Variants in TAOK3 observed in about 807,000 individuals in gnomAD.
The protein encoded by TAOK3 is serine/threonine-protein kinase TAO3.
TAOK3 carries 40 observed loss-of-function variants against 120.4 expected under a neutral mutation model. That is an observed-to-expected ratio of 0.33 (90% confidence interval 0.26 to 0.43). TAOK3 has a LOEUF of 0.43. TAOK3 is among the 20% of genes least tolerant of loss of function. The pLI, the probability that TAOK3 is intolerant of heterozygous loss-of-function variation, is 1.00. For synonymous variants in TAOK3, 355 were observed against 387.5 expected, an observed-to-expected ratio of 0.92 and a Z score of 0.99; for missense variants, 821 against 1,112.1, an observed-to-expected ratio of 0.74 and a Z score of 3.72.
At chr12:118,360,949 A>G (rs1357111042) in intron 1 of TAOK3, among the ~76,000 whole-genome samples, 1 of 152,254 alleles carries the variant, frequency 6.6e-6, no homozygotes, top group African/African-American at 2.4e-5. Context: ...CATATGTTCC[A>G]GCAGGGAAAA....
chr12:118,161,731 C>G lies in TAOK3; in HGVS notation c.2139+57G>C. On this transcript the variant is annotated intron_variant, in intron 18 of 20. Coordinates refer to ENST00000392533, the MANE Select transcript of TAOK3 (RefSeq NM_016281.4). The surrounding 1 kb of genome is among the most constrained non-coding windows in gnomAD (Gnocchi z 4.5). ...AAAAGTTGCTCAGGTGACTCTGACA[C>G]TTCAGGTAGAGAAACCACTGATCTG... 6.3e-7 allele frequency: 1 copy of G among 1,595,056 alleles called. No individual in the cohort carries two copies.
At chr12:118,325,633 GGTA>G (rs1304784573) in intron 1 of TAOK3, among the ~76,000 whole-genome samples, 1 of 151,934 alleles carries the variant, frequency 6.6e-6, no homozygotes, top group Admixed American at 6.6e-5. Flanking sequence ...TTGTCAGATA[GGTA>G]GTTTGCCAAT....
chr12:118,321,685 A>G (rs1341519789), intron 1 of TAOK3, among the ~76,000 whole-genome samples: 1 of 152,234 alleles, frequency 6.6e-6, no homozygotes, highest in Non-Finnish European at 1.5e-5. Flanking sequence ...CTAAACTTTC[A>G]GAAAAATAAT....
chr12:118,198,995 C>T (rs2037883083), intron 13 of TAOK3, 56 bp downstream of exon 13: 2 of 1,592,980 alleles, frequency 1.3e-6, no homozygotes, highest in African/African-American at 2.7e-5. Flanking sequence ...GTGACTTGAA[C>T]TGGATTCGCT....
chr12:118,288,384 T>C (rs1435570443), intron 1 of TAOK3, among the ~76,000 whole-genome samples: 1 of 151,708 alleles, frequency 6.6e-6, no homozygotes, highest in Non-Finnish European at 1.5e-5. Context: ...GTCATATGGG[T>C]GGGTGGCCTT....
intron 2 of TAOK3, among the ~76,000 whole-genome samples, chr12:118,256,599 G>A (rs1025428259): frequency 2.0e-5 from 3 of 152,184 alleles, no homozygotes; most frequent in Non-Finnish European, 4.4e-5. Context: ...AGTATTGGCT[G>A]CAACATGAAT....
At chr12:118,225,235 C>T (rs543447705) in intron 9 of TAOK3, among the ~76,000 whole-genome samples, 3 of 112,812 alleles carry the variant, frequency 2.7e-5, no homozygotes, top group South Asian at 3.1e-4. Flanking sequence ...GTGACAAGTG[C>T]GAGACTGTCT....
intron 1 of TAOK3, among the ~76,000 whole-genome samples, chr12:118,360,543 G>C (rs1343890758): frequency 1.3e-5 from 2 of 149,458 alleles, no homozygotes; most frequent in African/African-American, 4.9e-5. Context: ...ACTCCAGCCC[G>C]GGCGACACAG....
intron 15 of TAOK3, among the ~76,000 whole-genome samples, chr12:118,179,718 C>A (rs2036578038): frequency 6.7e-6 from 1 of 149,746 alleles, no homozygotes; most frequent in Admixed American, 6.7e-5. Flanking sequence ...GACCTCGGCT[C>A]ACTGCAATCT....
chr12:118,161,674 A>G lies in TAOK3; in HGVS notation c.2139+114T>C, dbSNP rs1413689572. ...CTTTGCAACTGGAGATTCTGATACAATAGGTGTGGGGTGCAGAAATTTGTG... is the reference window on the plus strand; with the variant it reads ...CTTTGCAACTGGAGATTCTGATACAGTAGGTGTGGGGTGCAGAAATTTGTG... On this transcript the variant is annotated intron_variant, in intron 18 of 20. Coordinates refer to ENST00000392533, the MANE Select transcript of TAOK3 (RefSeq NM_016281.4). This position sits in a 1 kb window ranked among gnomAD's most constrained non-coding sequence, Gnocchi z 4.5. 1.9e-5 allele frequency: 25 copies of G among 1,342,264 alleles called. No individual in the cohort carries two copies. The highest frequency in any genetic ancestry group is 2.5e-5 in the Non-Finnish European group (24 of 967,012). The allele number at this position is 1,342,264 out of a possible 1,614,324, so 83.1% of individuals were successfully genotyped here.
chr12:118,250,721 C>CAATAAAAGACAA (rs1220823054), intron 3 of TAOK3, among the ~76,000 whole-genome samples: 1 of 152,088 alleles, frequency 6.6e-6, no homozygotes, highest in South Asian at 2.1e-4. Flanking sequence ...AAAAATAAAA[C>CAATAAAAGACAA]AATAAAAGAC....
chr12:118,150,878 A>AAGAG lies in TAOK3; in HGVS notation c.*115_*118dup. On this transcript the variant is annotated 3_prime_UTR_variant, in exon 21 of 21. Coordinates refer to ENST00000392533, the MANE Select transcript of TAOK3 (RefSeq NM_016281.4). ...AGTCCGACACGATGTCAGTAAGAGT[A>AAGAG]AGAGAGAGAGAGAGTGAGAGCAACG... 1 of 1,016,548 alleles carries AAGAG rather than the reference A, an allele frequency of 9.8e-7. No individual in the cohort carries two copies. The allele number at this position is 1,016,548 out of a possible 1,614,324, so 63.0% of individuals were successfully genotyped here.
intron 11 of TAOK3, among the ~76,000 whole-genome samples, chr12:118,207,916 T>G (rs1238678668): frequency 7.2e-6 from 1 of 137,978 alleles, no homozygotes; most frequent in East Asian, 2.1e-4. Context: ...ATAAAACAAT[T>G]GCTTAACTTT....
intron 1 of TAOK3, among the ~76,000 whole-genome samples, chr12:118,356,720 C>T (rs2045409632): frequency 6.6e-6 from 1 of 151,704 alleles, no homozygotes. Flanking sequence ...TGAGACCAAC[C>T]TAGGCAACAC....
In TAOK3 at chr12:118,197,752, A is replaced by G. The variant is rs1352158833; in HGVS notation, c.1194+1299T>C. Among the ~76,000 whole-genome samples, 50 of 144,654 alleles carry G rather than the reference A, an allele frequency of 3.5e-4. No homozygotes were observed. The Admixed American group carries it at 3.6e-3, about 10-fold the overall frequency. The allele number at this position is 144,654 out of a possible 152,430, so 94.9% of individuals were successfully genotyped here. A position where few individuals can be genotyped will look rare whatever the true frequency, so the allele number is the denominator to read the frequency against. The stretch of plus-strand genomic sequence containing the variant: ...GCCCAAGCTGGAGTGCAGTGGCGCA[A>G]TCCTGGCTCACTGCAAGCTCCGCCT... On this transcript the variant is annotated intron_variant, in intron 13 of 20. Coordinates refer to ENST00000392533, the MANE Select transcript of TAOK3 (RefSeq NM_016281.4).
intron 7 of TAOK3, chr12:118,235,917 A>T (rs1212598829): frequency 2.6e-6 from 1 of 378,680 alleles, no homozygotes; most frequent in Non-Finnish European, 4.9e-6. Context: ...CTTCAGAGGG[A>T]GGGAATACAA....
chr12:118,231,040 T>C (rs903122291), intron 9 of TAOK3, among the ~76,000 whole-genome samples: 1 of 152,152 alleles, frequency 6.6e-6, no homozygotes, highest in African/African-American at 2.4e-5. Flanking sequence ...CATGTCTAAG[T>C]TAGTCATAGA....
chr12:118,234,588 G>T (rs1429361594), intron 8 of TAOK3, among the ~76,000 whole-genome samples: 1 of 151,974 alleles, frequency 6.6e-6, no homozygotes, highest in African/African-American at 2.4e-5. Context: ...TGTAGCCCAG[G>T]TTGGGGTGCA....
rs1010189796 is a variant in TAOK3, at chr12:118,246,270, G to C, written c.121-1305C>G. Reference sequence around the variant, plus strand: ...GGCCGAGGATAAGGAGTGGATGCCCGTCACCAAGTTGGGCCGCTTGGTCAA... The same window carrying C: ...GGCCGAGGATAAGGAGTGGATGCCCCTCACCAAGTTGGGCCGCTTGGTCAA... On this transcript the variant is annotated intron_variant, in intron 3 of 20. Coordinates refer to ENST00000392533, the MANE Select transcript of TAOK3 (RefSeq NM_016281.4). 16 of 1,510,474 alleles carry C rather than the reference G, an allele frequency of 1.1e-5. No individual in the cohort carries two copies. In the East Asian group the frequency reaches 3.6e-4, roughly 34 times the overall value. The allele number at this position is 1,510,474 out of a possible 1,614,324, so 93.6% of individuals were successfully genotyped here.
Sources: allele counts gnomAD v4.1 joint callset (sites outside exome capture counted in the v4.1 genomes callset), GRCh38; gene constraint gnomAD v4.1.1; non-coding constraint Gnocchi (gnomAD v3.1); transcripts MANE v1.5; gene names NCBI Gene and HGNC (gene_info 2026-07-23, HGNC 2026-07-21).